LY9: variants seen among roughly 807,000 people sequenced by gnomAD.
The protein encoded by LY9 is T-lymphocyte surface antigen Ly-9.
Under a neutral mutation model 64.6 loss-of-function variants are expected in LY9, and 59 were observed. The observed-to-expected ratio is 0.91, with a 90% CI of 0.74 to 1.13. The LOEUF (loss-of-function observed/expected upper bound fraction) is 1.13, where lower values mean the gene tolerates loss of function less well. Among genes scored for constraint, LY9 ranks in the 50% most tolerant of loss-of-function variants. LY9 has a pLI of 0.00. For missense variants in LY9, 789 were observed against 797.2 expected (o/e 0.99, Z 0.12); for synonymous variants, 281 against 308.5 (o/e 0.91, Z 0.93).
Position 160,825,854 on chromosome 1 carries a change from G to T in LY9, c.1899+1605G>T, listed in dbSNP as rs141872798. On this transcript the variant is annotated intron_variant, in intron 9 of 9. Coordinates refer to ENST00000263285, the MANE Select transcript of LY9 (RefSeq NM_002348.4). ...GAACCCAGGAGGTGGAGGTTGCGGT[G>T]AGCAGAGATCACACCATTGCACTCC... Among the ~76,000 whole-genome samples, 830 of 152,054 alleles carry T rather than the reference G, an allele frequency of 5.5e-3. 5 individuals carry two copies. Among genetic ancestry groups the T allele is most frequent in the Non-Finnish European group, 8.2e-3 (558 of 67,996 alleles).
chr1:160,814,467 G>T lies in LY9; in HGVS notation c.778G>T (p.Val260Phe). Residue 260 changes from valine (V) to phenylalanine (F), a missense_variant, in exon 4 of 10, where the codon GTC becomes TTC. Transcript: ENST00000263285. The part of the protein sequence containing the change: ...GGTTGETVVG[V>F]LGEPVTLPLA... ...AACAACGGGGGAGACTGTGGTAGGG[G>T]TCCTGGGAGAGCCAGTCACCCTGCC... The T allele has an allele frequency of 6.2e-7, 1 of 1,613,956 alleles. No individual in the cohort carries two copies. Among genetic ancestry groups the T allele is most frequent in the Non-Finnish European group, 8.5e-7 (1 of 1,179,936 alleles).
intron 2 of LY9, chr1:160,802,014 G>T: frequency 4.0e-6 from 6 of 1,498,380 alleles, no homozygotes; most frequent in Non-Finnish European, 5.3e-6. Context: ...GACCCTGCCA[G>T]GCCCAGTGCC....
In LY9 at chr1:160,816,501, T is replaced by G. The variant is rs1474324559; in HGVS notation, c.1073-93T>G. The G allele has an allele frequency of 2.3e-5, 33 of 1,408,458 alleles. 1 individual carries two copies. The Admixed American group carries it at 7.7e-4, about 33-fold the overall frequency. The allele number at this position is 1,408,458 out of a possible 1,614,324, so 87.2% of individuals were successfully genotyped here. A position where few individuals can be genotyped will look rare whatever the true frequency, so the allele number is the denominator to read the frequency against. ...GGCACTTTGCCGGCAGTATCAACAC[T>G]CAGCTTCATGAATATATTTTCAATG... is the stretch of plus-strand genomic sequence containing the variant. On this transcript the variant is annotated intron_variant, in intron 4 of 9. Transcript: ENST00000263285.
Position 160,816,853 on chromosome 1 carries a change from C to T in LY9, c.1332C>T (p.Asn444=), listed in dbSNP as rs755057650. The T allele has an allele frequency of 6.2e-7, 1 of 1,614,186 alleles. No homozygotes were observed. The highest frequency in any genetic ancestry group is 8.5e-7 in the Non-Finnish European group (1 of 1,180,020). Reference sequence around the variant, plus strand: ...GTTCCCACCAGTTTCTTTCTGAGAACATCTGTTCAGGTTTCTCTCCATCTC... The same window carrying T: ...GTTCCCACCAGTTTCTTTCTGAGAATATCTGTTCAGGTTTCTCTCCATCTC... ...SRSSHQFLSE[N]ICSGPERNTK... is the part of the protein sequence containing the mutation. Residue 444 remains asparagine (N), a synonymous_variant, in exon 5 of 10, where the codon AAC becomes AAT. Transcript: ENST00000263285.
chr1:160,823,880 T>TG, intron 8 of LY9, 84 bp downstream of exon 8: 2 of 1,138,394 alleles, frequency 1.8e-6, no homozygotes, highest in Non-Finnish European at 2.6e-6. Context: ...TCCTCCAAAC[T>TG]GGGGGCTGGG....
intron 2 of LY9, 198 bp from the exon 3 acceptor site, chr1:160,813,438 T>G: frequency 1.7e-6 from 1 of 598,194 alleles, no homozygotes; most frequent in Non-Finnish European, 3.0e-6. Flanking sequence ...TGAGTCATGG[T>G]GATAACACCT....
At position 160,824,356 on chromosome 1, in the gene LY9, T is replaced by C. The variant is rs1198960252; in HGVS notation, c.1899+107T>C. The C allele has an allele frequency of 4.5e-6, 7 of 1,542,470 alleles. 1 individual carries two copies. Among genetic ancestry groups the C allele is most frequent in the Non-Finnish European group, 6.1e-6 (7 of 1,146,208 alleles). ...GATTCCCATGGCTAAGGATCTTAAA[T>C]TCTACCCACTATGCACCCCTCAGAT... On this transcript the variant is annotated intron_variant, in intron 9 of 9. Transcript: ENST00000263285.
chr1:160,821,781 A>G (rs1176416106), intron 7 of LY9, among the ~76,000 whole-genome samples: 10 of 152,060 alleles, frequency 6.6e-5, no homozygotes, highest in Non-Finnish European at 1.0e-4. Context: ...GAAGGTATCT[A>G]TTTTCACTCA....
intron 6 of LY9, among the ~76,000 whole-genome samples, chr1:160,818,865 T>C (rs181428818): frequency 1.3e-5 from 2 of 152,304 alleles, no homozygotes; most frequent in East Asian, 3.9e-4. Context: ...ATAGCTCTGA[T>C]TGGCCCAAGT....
At chr1:160,797,165 C>T (rs1665968861) in intron 1 of LY9, 3 of 985,536 alleles carry the variant, frequency 3.0e-6, no homozygotes, top group Non-Finnish European at 3.6e-6. Context: ...CACTGTCCAG[C>T]AGATAGAGCC....
intron 2 of LY9, chr1:160,801,827 G>A (rs760529008): frequency 2.5e-6 from 4 of 1,614,176 alleles, no homozygotes; most frequent in Non-Finnish European, 3.4e-6. Flanking sequence ...ACGTCATCGA[G>A]GGTGACCACC....
chr1:160,802,263 C>G (rs1666567671), intron 2 of LY9: 1 of 1,023,042 alleles, frequency 9.8e-7, no homozygotes, highest in Non-Finnish European at 1.2e-6. Context: ...GCCTGTCCAC[C>G]CTGCAAAGAC....
rs199889247 is a variant in LY9 at position 160,823,547 on chromosome 1, A to G, written c.1581A>G (p.Gln527=). Reference sequence around the variant, plus strand: ...ACACTCCCCTCAGGCCTGCCAGGCAACAGCCTACACCCACCTCAGACAGCA... The same window carrying G: ...ACACTCCCCTCAGGCCTGCCAGGCAGCAGCCTACACCCACCTCAGACAGCA... ...KLDTPLRPAR[Q]QPTPTSDSSS... is the part of the protein sequence containing the mutation. Residue 527 remains glutamine (Q), a synonymous_variant, in exon 8 of 10, where the codon CAA becomes CAG. Coordinates refer to ENST00000263285, the MANE Select transcript of LY9 (RefSeq NM_002348.4). 11 of 1,614,220 alleles carry G rather than the reference A, an allele frequency of 6.8e-6. No homozygotes were observed. In the East Asian group the frequency reaches 2.5e-4, roughly 36 times the overall value.
chr1:160,810,482 A>G (rs1250656606), intron 2 of LY9: 2 of 152,158 alleles, frequency 1.3e-5, no homozygotes, highest in African/African-American at 2.4e-5. Context: ...TTATAAGCAC[A>G]TCGGTCATAC....
At chr1:160,797,894 T>C (rs927112253) in intron 1 of LY9, among the ~76,000 whole-genome samples, 1 of 151,350 alleles carries the variant, frequency 6.6e-6, no homozygotes, top group Non-Finnish European at 1.5e-5. Context: ...CACACACGTA[T>C]AGTGGCACAT....
At chr1:160,812,152 C>T (rs1667525624) in intron 2 of LY9, 1 of 152,224 alleles carries the variant, frequency 6.6e-6, no homozygotes, top group Non-Finnish European at 1.5e-5. Flanking sequence ...CTTCTGCGGC[C>T]TCTCTCCTTG....
At chr1:160,809,681 C>T (rs1420969284) in intron 2 of LY9, 1 of 151,918 alleles carries the variant, frequency 6.6e-6, no homozygotes, top group African/African-American at 2.4e-5. Context: ...TTTAATGTTG[C>T]TAGATATTGC....
At chr1:160,825,863 T>C (rs1312670653) in intron 9 of LY9, among the ~76,000 whole-genome samples, 4 of 151,654 alleles carry the variant, frequency 2.6e-5, no homozygotes, top group Non-Finnish European at 5.9e-5. Context: ...TGAGCAGAGA[T>C]CACACCATTG....
intron 2 of LY9, 105 bp from the exon 3 acceptor site, chr1:160,813,531 C>T (rs1166732177): frequency 1.1e-5 from 13 of 1,153,058 alleles, no homozygotes; most frequent in South Asian, 1.5e-5. Context: ...TAACGCTGGC[C>T]TCTCTCTGCT....
Sources: gnomAD v4.1 joint callset for allele counts (sites outside exome capture counted in the v4.1 genomes callset) on GRCh38, gnomAD v4.1.1 for gene constraint, MANE v1.5 for transcripts, NCBI Gene and HGNC (gene_info 2026-07-23, HGNC 2026-07-21) for gene names.